Variants in RYR2 observed in about 807,000 individuals in gnomAD.
RYR2 encodes ryanodine receptor 2, also known as cardiac muscle ryanodine receptor-calcium release channel.
Under a neutral mutation model 601.1 loss-of-function variants are expected in RYR2, and 227 were observed. That is an observed-to-expected ratio of 0.38 (90% CI 0.34 to 0.42). The LOEUF (loss-of-function observed/expected upper bound fraction) is 0.42, where lower values mean the gene tolerates loss of function less well. RYR2 is among the 10% of genes least tolerant of loss of function. The pLI, the probability that RYR2 is intolerant of heterozygous loss-of-function variation, is 1.00. For synonymous variants in RYR2, 2,223 were observed against 2,175.1 expected, an observed-to-expected ratio of 1.02 and a Z score of -0.61; for missense variants, 4,646 against 6,156.5, an observed-to-expected ratio of 0.75 and a Z score of 8.21.
chr1:237,464,707 A>G (rs1371121855), intron 16 of RYR2, among the ~76,000 whole-genome samples: 1 of 152,166 alleles, frequency 6.6e-6, no homozygotes, highest in African/African-American at 2.4e-5. Context: ...ACTTATATTC[A>G]GTGTATACAT....
At chr1:237,217,862 T>C (rs1683365749) in intron 1 of RYR2, among the ~76,000 whole-genome samples, 1 of 152,214 alleles carries the variant, frequency 6.6e-6, no homozygotes, top group Non-Finnish European at 1.5e-5. Flanking sequence ...CAAGCTTTGC[T>C]GTATTTGTTT....
intron 77 of RYR2, 62 bp downstream of exon 77, chr1:237,730,418 G>T: frequency 1.1e-6 from 1 of 875,184 alleles, no homozygotes; most frequent in Non-Finnish European, 1.9e-6. Flanking sequence ...CAATGTTGGC[G>T]TGAGCAGTCA....
At chr1:237,550,190 C>T (rs1257000850) in intron 26 of RYR2, among the ~76,000 whole-genome samples, 2 of 152,184 alleles carry the variant, frequency 1.3e-5, no homozygotes, top group African/African-American at 4.8e-5. Context: ...TTTGGCTGTT[C>T]TTGGAATAAA....
chr1:237,661,055 G>A, intron 56 of RYR2, 108 bp downstream of exon 56: 1 of 1,102,422 alleles, frequency 9.1e-7, no homozygotes, highest in Non-Finnish European at 1.2e-6. Flanking sequence ...ATTCTGAAGA[G>A]TCACAAAATT....
chr1:237,631,746 G>T (rs371935193), intron 42 of RYR2, among the ~76,000 whole-genome samples: 100 of 146,566 alleles, frequency 6.8e-4, no homozygotes, highest in African/African-American at 2.3e-3. Flanking sequence ...TCCTGCCTCA[G>T]CCTCCCGAGG....
intron 14 of RYR2, among the ~76,000 whole-genome samples, chr1:237,448,557 A>G (rs897721109): frequency 1.3e-5 from 2 of 151,990 alleles, no homozygotes; most frequent in Admixed American, 6.6e-5. Flanking sequence ...TCTTTGTTCT[A>G]CTAATTACTG....
In RYR2 at chr1:237,539,046, A is replaced by G. The variant is rs769733407; in HGVS notation, c.2906+8536A>G. On this transcript the variant is annotated intron_variant, in intron 25 of 104. Coordinates refer to ENST00000366574, the MANE Select transcript of RYR2 (RefSeq NM_001035.3). ...TTCTGAACATTCTGTATGGATGCACAGGCCATATAACCTAGATACAACCTA... is the reference window on the plus strand; with the variant it reads ...TTCTGAACATTCTGTATGGATGCACGGGCCATATAACCTAGATACAACCTA... 7.8e-4 allele frequency among the ~76,000 whole-genome samples: 119 copies of G among 152,230 alleles called. 1 individual carries two copies. The highest frequency in any genetic ancestry group is 1.9e-4 in the Non-Finnish European group (13 of 68,036).
intron 1 of RYR2, among the ~76,000 whole-genome samples, chr1:237,224,086 A>C (rs1161689084): frequency 1.3e-5 from 2 of 152,216 alleles, no homozygotes; most frequent in East Asian, 3.9e-4. Flanking sequence ...TAACAAGAGA[A>C]ATGGTAATAC....
chr1:237,602,818 G>A (rs1225708734), intron 35 of RYR2, among the ~76,000 whole-genome samples: 1 of 152,184 alleles, frequency 6.6e-6, no homozygotes, highest in Non-Finnish European at 1.5e-5. Context: ...TGAAGAAGGG[G>A]ATTGAGCATA....
At chr1:237,319,645 TAC>T (rs1402967909) in intron 2 of RYR2, among the ~76,000 whole-genome samples, 3 of 152,182 alleles carry the variant, frequency 2.0e-5, no homozygotes, top group Admixed American at 6.6e-5. Context: ...GTAATGATGG[TAC>T]AGAGATTGTG....
chr1:237,127,115 C>T (rs1671522530), intron 1 of RYR2, among the ~76,000 whole-genome samples: 1 of 151,716 alleles, frequency 6.6e-6, no homozygotes, highest in Non-Finnish European at 1.5e-5. Context: ...GGTCACAGAT[C>T]AACAGGATCC....
At chr1:237,369,837 A>T (rs1359383524) in intron 6 of RYR2, among the ~76,000 whole-genome samples, 1 of 152,034 alleles carries the variant, frequency 6.6e-6, no homozygotes, top group African/African-American at 2.4e-5. Context: ...CATCTTCAGT[A>T]TCTTACTTTT....
intron 12 of RYR2, among the ~76,000 whole-genome samples, chr1:237,424,654 A>G (rs1015882329): frequency 5.3e-5 from 8 of 152,226 alleles, no homozygotes; most frequent in African/African-American, 1.9e-4. Flanking sequence ...AGAGATCTAT[A>G]TGTTAGGTAA....
chr1:237,124,678 C>G (rs558538061), intron 1 of RYR2, among the ~76,000 whole-genome samples: 1 of 152,274 alleles, frequency 6.6e-6, no homozygotes, highest in African/African-American at 2.4e-5. Context: ...CGCTGACCCA[C>G]AAGTCTTCTG....
At chr1:237,582,419 T>C (rs1465257216) in intron 29 of RYR2, among the ~76,000 whole-genome samples, 2 of 140,668 alleles carry the variant, frequency 1.4e-5, no homozygotes, top group Non-Finnish European at 3.1e-5. Flanking sequence ...TAGCATTCTT[T>C]AAAAAAAAAA....
At chr1:237,211,317 G>A (rs145850212) in intron 1 of RYR2, among the ~76,000 whole-genome samples, 98 of 152,304 alleles carry the variant, frequency 6.4e-4, no homozygotes, top group African/African-American at 2.3e-3. Context: ...AGTTATCAAT[G>A]TGCTCTGCAG....
intron 5 of RYR2, among the ~76,000 whole-genome samples, chr1:237,365,574 G>A (rs971265125): frequency 5.3e-5 from 8 of 152,132 alleles, no homozygotes; most frequent in Admixed American, 2.0e-4. Flanking sequence ...TAAATTAGAC[G>A]TATCATGAAA....
In RYR2 at chr1:237,727,136, C is replaced by A; in HGVS notation, c.10775C>A (p.Ser3592Tyr). The change falls in exon 76 of 105, where the codon TCC (serine) becomes TAC (tyrosine). Residue 3592 changes from serine (S) to tyrosine (Y), a missense_variant. Transcript: ENST00000366574. Reference sequence around the variant, plus strand: ...AAGGCTGTATGGCATAAACTACTGTCCAAGCAGAGGAAAAGGGCTGTTGTA... The same window carrying A: ...AAGGCTGTATGGCATAAACTACTGTACAAGCAGAGGAAAAGGGCTGTTGTA... ...SKKAVWHKLLSKQRKRAVVAC... is the reference protein window; with the variant it reads ...SKKAVWHKLLYKQRKRAVVAC... The A allele has an allele frequency of 6.2e-7, 1 of 1,606,162 alleles. No homozygotes were observed. The highest frequency in any genetic ancestry group is 8.5e-7 in the Non-Finnish European group (1 of 1,173,726).
At chr1:237,375,843 G>A (rs1417991514) in intron 7 of RYR2, among the ~76,000 whole-genome samples, 2 of 152,150 alleles carry the variant, frequency 1.3e-5, no homozygotes, top group Non-Finnish European at 2.9e-5. Flanking sequence ...AGAAGTAAAA[G>A]ACGCAGTCTA....
Sources: gnomAD v4.1 joint callset for allele counts (sites outside exome capture counted in the v4.1 genomes callset) on GRCh38, gnomAD v4.1.1 for gene constraint, MANE v1.5 for transcripts, NCBI Gene and HGNC (gene_info 2026-07-23, HGNC 2026-07-21) for gene names.